Variants in MTUS2 observed in about 807,000 individuals in gnomAD.
The protein encoded by MTUS2 is microtubule associated scaffold protein 2.
Under a neutral mutation model 114.1 loss-of-function variants are expected in MTUS2, and 40 were observed. That is an observed-to-expected ratio of 0.35 (90% CI 0.27 to 0.46). MTUS2 has a LOEUF of 0.46. Among genes scored for constraint, MTUS2 ranks in the 20% least tolerant of loss-of-function variants. MTUS2 has a pLI of 1.00. For missense variants in MTUS2, 1,679 were observed against 1,705.4 expected (o/e 0.98, Z 0.27); for synonymous variants, 688 against 672.0 (o/e 1.02, Z -0.37).
intron 2 of MTUS2, among the ~76,000 whole-genome samples, chr13:28,846,684 C>A (rs1258380526): frequency 2.6e-5 from 4 of 152,182 alleles, no homozygotes; most frequent in African/African-American, 9.7e-5. Flanking sequence ...ACAAAGTAGT[C>A]TTTCATTTAG....
At chr13:29,049,312 A>G (rs1420506409) in intron 4 of MTUS2, among the ~76,000 whole-genome samples, 1 of 152,304 alleles carries the variant, frequency 6.6e-6, no homozygotes, top group East Asian at 1.9e-4. Flanking sequence ...CTGGAGTACT[A>G]GTGCCAGGGA....
chr13:29,102,796 A>G (rs1027753255), intron 5 of MTUS2, among the ~76,000 whole-genome samples: 2 of 152,174 alleles, frequency 1.3e-5, no homozygotes, highest in African/African-American at 2.4e-5. Context: ...GTCAATAAAT[A>G]TTTTGTTTCT....
At chr13:28,906,039 C>T (rs758420259) in intron 2 of MTUS2, among the ~76,000 whole-genome samples, 8 of 151,542 alleles carry the variant, frequency 5.3e-5, no homozygotes, top group East Asian at 1.9e-4. Flanking sequence ...AGTTTATTTG[C>T]GTAGAGTTGT....
At chr13:29,277,380 A>G (rs1199507930) in intron 5 of MTUS2, among the ~76,000 whole-genome samples, 1 of 152,238 alleles carries the variant, frequency 6.6e-6, no homozygotes, top group African/African-American at 2.4e-5. Flanking sequence ...GACATTTTTC[A>G]TGGAACTTAA....
chr13:29,323,009 G>A (rs1277483130), intron 6 of MTUS2, among the ~76,000 whole-genome samples: 2 of 152,210 alleles, frequency 1.3e-5, no homozygotes, highest in Non-Finnish European at 2.9e-5. Context: ...GACACTGTTT[G>A]TTGGGAATAT....
At chr13:29,037,044 C>G (rs1449525973) in intron 4 of MTUS2, among the ~76,000 whole-genome samples, 1 of 152,164 alleles carries the variant, frequency 6.6e-6, no homozygotes, top group Non-Finnish European at 1.5e-5. Context: ...GAATTTGATC[C>G]TGTCATTATG....
At position 29,338,411 on chromosome 13, in the gene MTUS2, A is replaced by G. The variant is rs537246910; in HGVS notation, c.2905+13700A>G. 7.3e-4 allele frequency among the ~76,000 whole-genome samples: 108 copies of G among 148,206 alleles called. 2 individuals carry two copies. Among genetic ancestry groups the G allele is most frequent in the Admixed American group, 7.3e-3 (105 of 14,414 alleles). On this transcript the variant is annotated intron_variant, in intron 7 of 15. Coordinates refer to ENST00000612955, the MANE Select transcript of MTUS2 (RefSeq NM_001033602.4). ...AGACCAGCCTGGGCAACATGGTGAA[A>G]CCCAGTCTCTATTAAAATACAAAAA...
chr13:29,114,491 C>G (rs1406678797), intron 5 of MTUS2, among the ~76,000 whole-genome samples: 1 of 152,000 alleles, frequency 6.6e-6, no homozygotes, highest in East Asian at 1.9e-4. Flanking sequence ...TTCATAGTGT[C>G]TAAATATAAT....
intron 4 of MTUS2, among the ~76,000 whole-genome samples, chr13:29,060,052 G>GGAGA (rs1888337477): frequency 6.6e-6 from 1 of 152,246 alleles, no homozygotes; most frequent in Non-Finnish European, 1.5e-5. Flanking sequence ...ACAACAGGAG[G>GGAGA]CTGCAGCTGC....
At chr13:29,389,301 ATG>A (rs1371854997) in intron 8 of MTUS2, among the ~76,000 whole-genome samples, 1 of 136,584 alleles carries the variant, frequency 7.3e-6, no homozygotes, top group Non-Finnish European at 1.5e-5. Flanking sequence ...ATGTGTGTAT[ATG>A]TGTATATATG....
At chr13:29,491,672 TTGTG>T (rs372093121) in intron 11 of MTUS2, among the ~76,000 whole-genome samples, 4,675 of 137,444 alleles carry the variant, frequency 0.034, 215 homozygotes, top group African/African-American at 0.12. Context: ...GTGTATGCGA[TTGTG>T]TGTGGTGTGT....
At chr13:28,857,341 G>A (rs756993557) in intron 2 of MTUS2, among the ~76,000 whole-genome samples, 1 of 152,152 alleles carries the variant, frequency 6.6e-6, no homozygotes, top group Non-Finnish European at 1.5e-5. Context: ...TAGGGTCCGT[G>A]AACTTCCTAG....
At chr13:29,193,431 C>T (rs1894530924) in intron 5 of MTUS2, among the ~76,000 whole-genome samples, 1 of 152,158 alleles carries the variant, frequency 6.6e-6, no homozygotes, top group South Asian at 2.1e-4. Flanking sequence ...ACAAAAATCA[C>T]AGGCATTCTT....
chr13:29,223,322 C>T (rs1430591677), intron 5 of MTUS2, among the ~76,000 whole-genome samples: 1 of 152,138 alleles, frequency 6.6e-6, no homozygotes, highest in Non-Finnish European at 1.5e-5. Flanking sequence ...GATGACCTGC[C>T]TGTGGAGTGG....
chr13:29,191,525 C>T (rs9578077), intron 5 of MTUS2, among the ~76,000 whole-genome samples: 1,552 of 152,052 alleles, frequency 0.01, 17 homozygotes, highest in South Asian at 0.044. Flanking sequence ...GCTCTTTTGC[C>T]GTGTTTGTGA....
intron 5 of MTUS2, among the ~76,000 whole-genome samples, chr13:29,208,351 A>G (rs1895282021): frequency 6.6e-6 from 1 of 151,868 alleles, no homozygotes; most frequent in Non-Finnish European, 1.5e-5. Context: ...CTAATGGTCT[A>G]TCAATTTTGT....
chr13:28,904,365 T>C (rs1038409997), intron 2 of MTUS2, among the ~76,000 whole-genome samples: 1 of 152,194 alleles, frequency 6.6e-6, no homozygotes, highest in African/African-American at 2.4e-5. Flanking sequence ...TAGGTTTTCT[T>C]CTGGGGTTTT....
intron 6 of MTUS2, among the ~76,000 whole-genome samples, chr13:29,293,734 T>G (rs1347691948): frequency 6.6e-6 from 1 of 152,158 alleles, no homozygotes; most frequent in Non-Finnish European, 1.5e-5. Context: ...AGCCATTTAA[T>G]AAATGCTTAT....
intron 7 of MTUS2, among the ~76,000 whole-genome samples, chr13:29,329,356 A>G (rs1037546849): frequency 8.1e-5 from 11 of 136,386 alleles, no homozygotes; most frequent in African/African-American, 2.8e-4. Flanking sequence ...TGTTCTTGTT[A>G]TTCAGCTCCC....
Sources: gnomAD v4.1 joint callset for allele counts (sites outside exome capture counted in the v4.1 genomes callset) on GRCh38, gnomAD v4.1.1 for gene constraint, MANE v1.5 for transcripts, NCBI Gene and HGNC (gene_info 2026-07-23, HGNC 2026-07-21) for gene names.